The following RBM26 variants were observed in gnomAD, a reference collection of about 807,000 sequenced individuals.
RBM26 encodes the protein RNA-binding protein 26.
A neutral mutation model predicts 123.6 loss-of-function variants in RBM26; 30 were observed. That is an observed-to-expected ratio of 0.24 (90% CI 0.18 to 0.33). The LOEUF is 0.33. RBM26 is among the 10% of genes least tolerant of loss of function. The pLI, the probability that RBM26 is intolerant of heterozygous loss-of-function variation, is 1.00. For missense variants in RBM26, 947 were observed against 1,203.6 expected (o/e 0.79, Z 3.15); for synonymous variants, 400 against 404.4 (o/e 0.99, Z 0.13).
chr13:79,320,515 T>C lies in RBM26; in HGVS notation c.*106A>G, dbSNP rs531516580. 7.9e-7 allele frequency: 1 copy of C among 1,269,326 alleles called. No homozygotes were observed. Among genetic ancestry groups the C allele is most frequent in the South Asian group, 3.0e-5 (1 of 33,410 alleles). The allele number at this position is 1,269,326 out of a possible 1,614,324, so 78.6% of individuals were successfully genotyped here. ...TGTCTATTTGTGAAATCCATCTTCA[T>C]CACATTTTACCAAAAATTGTTTTTA... is the stretch of plus-strand genomic sequence containing the variant. On this transcript the variant is annotated 3_prime_UTR_variant, in exon 22 of 22. Coordinates refer to ENST00000438737, the MANE Select transcript of RBM26 (RefSeq NM_001366735.2).
chr13:79,402,044 C>A (rs1391986684), intron 1 of RBM26, among the ~76,000 whole-genome samples: 1 of 149,300 alleles, frequency 6.7e-6, no homozygotes, highest in Non-Finnish European at 1.5e-5. Context: ...AAAAACATGA[C>A]TTTGATGTGT....
chr13:79,323,653 G>C (rs144174015), intron 20 of RBM26, among the ~76,000 whole-genome samples: 196 of 151,664 alleles, frequency 1.3e-3, no homozygotes, highest in African/African-American at 4.6e-3. Context: ...AAAAGCAAAA[G>C]AGTTACTGAC....
downstream of RBM26, among the ~76,000 whole-genome samples, chr13:79,317,580 G>C (rs186559289): frequency 6.6e-6 from 1 of 151,688 alleles, no homozygotes; most frequent in African/African-American, 2.4e-5. Flanking sequence ...GGATGGACTA[G>C]ACTGGTGGCT....
At chr13:79,322,989 T>A (rs890695457) in intron 20 of RBM26, among the ~76,000 whole-genome samples, 2 of 151,378 alleles carry the variant, frequency 1.3e-5, no homozygotes, top group African/African-American at 4.8e-5. Context: ...TTACATCAAA[T>A]GACCAACTAC....
intron 1 of RBM26, among the ~76,000 whole-genome samples, chr13:79,405,400 G>A (rs1315836697): frequency 6.6e-6 from 1 of 152,172 alleles, no homozygotes; most frequent in African/African-American, 2.4e-5. Flanking sequence ...GTAAAATACA[G>A]TCGGTTTCAC....
chr13:79,390,968 T>A (rs896103822), intron 1 of RBM26, among the ~76,000 whole-genome samples: 1 of 152,206 alleles, frequency 6.6e-6, no homozygotes, highest in East Asian at 1.9e-4. Flanking sequence ...ACTTAGTATC[T>A]ATTTAAGGTT....
At chr13:79,342,561 T>G in intron 17 of RBM26, 103 bp downstream of exon 17, 1 of 923,096 alleles carries the variant, frequency 1.1e-6, no homozygotes, top group Non-Finnish European at 1.7e-6. Context: ...AATGGTCAGA[T>G]TTTGAACAGA....
At chr13:79,373,989 T>G (rs1267459304) in intron 3 of RBM26, among the ~76,000 whole-genome samples, 1 of 151,738 alleles carries the variant, frequency 6.6e-6, no homozygotes, top group Non-Finnish European at 1.5e-5. Flanking sequence ...AAAAGGGACT[T>G]AGAGGTTGAA....
rs780205129 is a variant in RBM26 at position 79,366,912 on chromosome 13, C to CT, written c.896-41dup. 9 of 1,471,258 alleles carry CT rather than the reference C, an allele frequency of 6.1e-6. No homozygotes were observed. In the South Asian group the frequency reaches 1.3e-4, roughly 21 times the overall value. The allele number at this position is 1,471,258 out of a possible 1,614,324, so 91.1% of individuals were successfully genotyped here. ...TAGTTAGAAACAAATGTCAAAAGCACTGGAAATATATATTTTCTCTAAGTT... is the reference window on the plus strand; with the variant it reads ...TAGTTAGAAACAAATGTCAAAAGCACTTGGAAATATATATTTTCTCTAAGTT... On this transcript the variant is annotated intron_variant, in intron 6 of 21. Coordinates refer to ENST00000438737, the MANE Select transcript of RBM26 (RefSeq NM_001366735.2).
At chr13:79,355,131 C>A in intron 12 of RBM26, 89 bp downstream of exon 12, 1 of 1,211,614 alleles carries the variant, frequency 8.3e-7, no homozygotes, top group Admixed American at 2.0e-5. Context: ...TGAACTCAGG[C>A]CTACTTGATT....
rs73564673 is a variant in RBM26 at position 79,371,937 on chromosome 13, A to G, written c.328-7T>C. 8.2e-5 allele frequency: 19 copies of G among 231,290 alleles called. No individual in the cohort carries two copies. Among genetic ancestry groups the G allele is most frequent in the Non-Finnish European group, 1.4e-4 (18 of 127,146 alleles). 14.3% of individuals were successfully genotyped at this position (231,290 alleles called of 1,614,324 possible). A position where few individuals can be genotyped will look rare whatever the true frequency, so the allele number is the denominator to read the frequency against. On this transcript the variant is annotated splice_region_variant and splice_polypyrimidine_tract_variant and intron_variant, in intron 3 of 21. Coordinates refer to ENST00000438737, the MANE Select transcript of RBM26 (RefSeq NM_001366735.2). ...GCTCTTCCTCCTTAGTGATCTGATT[A>G]AAAAAAAAAAAAAAAGTGTACAAGT...
At chr13:79,396,168 G>T (rs192369049) in intron 1 of RBM26, among the ~76,000 whole-genome samples, 24 of 152,226 alleles carry the variant, frequency 1.6e-4, no homozygotes, top group Middle Eastern at 3.4e-3. Flanking sequence ...AACAGAGGAC[G>T]GTGGCAATGG....
chr13:79,386,051 A>T (rs1279783180), intron 1 of RBM26, among the ~76,000 whole-genome samples: 2 of 152,126 alleles, frequency 1.3e-5, no homozygotes, highest in Admixed American at 1.3e-4. Context: ...GCAGAGCTCT[A>T]TGATAAATAG....
chr13:79,337,028 C>A, intron 19 of RBM26, 74 bp downstream of exon 19: 1 of 1,348,302 alleles, frequency 7.4e-7, no homozygotes, highest in South Asian at 1.2e-5. Context: ...CTTTTCATAA[C>A]TTCCTCTTTA....
At chr13:79,359,789 A>AATATAT (rs59451742) in intron 9 of RBM26, 103 bp from the exon 10 acceptor site, 31 of 245,314 alleles carry the variant, frequency 1.3e-4, no homozygotes, top group Admixed American at 1.0e-3. Context: ...CTTTTGTCTA[A>AATATAT]ATATATATAT....
chr13:79,321,039 A>G (rs1479753385), intron 21 of RBM26, among the ~76,000 whole-genome samples: 1 of 151,372 alleles, frequency 6.6e-6, no homozygotes, highest in East Asian at 1.9e-4. Context: ...AGAAAACAGT[A>G]AGTTTTCTCT....
chr13:79,380,496 T>TTAA (rs569440178), intron 1 of RBM26, among the ~76,000 whole-genome samples: 1 of 147,312 alleles, frequency 6.8e-6, no homozygotes, highest in African/African-American at 2.5e-5. Flanking sequence ...GGAAAGTTTT[T>TTAA]AAAAAAAAAA....
chr13:79,345,925 ACTGGTTC>A (rs1469352555), intron 14 of RBM26, among the ~76,000 whole-genome samples: 1 of 152,296 alleles, frequency 6.6e-6, no homozygotes, highest in Admixed American at 6.5e-5. Context: ...GTGACTGGTT[ACTGGTTC>A]TTAAAAAGAA....
intron 17 of RBM26, among the ~76,000 whole-genome samples, chr13:79,342,271 A>G (rs1013501007): frequency 1.3e-5 from 2 of 151,748 alleles, no homozygotes; most frequent in Non-Finnish European, 3.0e-5. Context: ...TACCTGATCA[A>G]CCTGAATTTT....
Sources: gnomAD v4.1 joint callset for allele counts (sites outside exome capture counted in the v4.1 genomes callset) on GRCh38, gnomAD v4.1.1 for gene constraint, MANE v1.5 for transcripts, NCBI Gene and HGNC (gene_info 2026-07-23, HGNC 2026-07-21) for gene names.